The following SNX31 variants were observed in gnomAD, a reference collection of about 807,000 sequenced individuals.
SNX31 encodes sorting nexin 31, also known as sorting nexin-31.
A neutral mutation model predicts 65.4 loss-of-function variants in SNX31; 58 were observed. That is an observed-to-expected ratio of 0.89 (90% confidence interval 0.72 to 1.10). The LOEUF is 1.10. SNX31 is among the 50% of genes least tolerant of loss of function. The pLI, the probability that SNX31 is intolerant of heterozygous loss-of-function variation, is 0.00. For missense variants in SNX31, 523 were observed against 529.7 expected (o/e 0.99, Z 0.12); for synonymous variants, 181 against 190.1 (o/e 0.95, Z 0.39).
At chr8:100,636,663 T>A (rs768226195) in intron 2 of SNX31, among the ~76,000 whole-genome samples, 2 of 152,224 alleles carry the variant, frequency 1.3e-5, no homozygotes, top group African/African-American at 2.4e-5. Flanking sequence ...TTCCTTTTAC[T>A]CTTTTTAATG....
chr8:100,649,415 TCCCTG>T, intron 1 of SNX31, 29 bp downstream of exon 1: 1 of 1,083,838 alleles, frequency 9.2e-7, no homozygotes, highest in Non-Finnish European at 1.4e-6. Context: ...ACCGGCCCCC[TCCCTG>T]CCCACCCTGA....
At chr8:100,635,222 T>TTTTATTTAGTTATTTATTTATTTA (rs1818678238) in intron 3 of SNX31, among the ~76,000 whole-genome samples, 1 of 149,672 alleles carries the variant, frequency 6.7e-6, no homozygotes, top group Non-Finnish European at 1.5e-5. Context: ...ACCTCATCTC[T>TTTTATTTAGTTATTTATTTATTTA]TTTATTTATT....
chr8:100,650,182 C>T (rs1819920458), upstream of SNX31, among the ~76,000 whole-genome samples: 1 of 152,172 alleles, frequency 6.6e-6, no homozygotes, highest in African/African-American at 2.4e-5. Flanking sequence ...GTTCTTTCAA[C>T]AGTCTCTCAT....
At chr8:100,649,426 C>A (rs1331048346) in intron 1 of SNX31, 23 bp downstream of exon 1, 1 of 1,589,902 alleles carries the variant, frequency 6.3e-7, no homozygotes, top group East Asian at 2.3e-5. Context: ...CCCTGCCCAC[C>A]CTGACCCCAG....
At chr8:100,633,397 TTTTA>T (rs1278618971) in intron 3 of SNX31, among the ~76,000 whole-genome samples, 1 of 152,144 alleles carries the variant, frequency 6.6e-6, no homozygotes, top group African/African-American at 2.4e-5. Flanking sequence ...ACACAAAGTA[TTTTA>T]TTTATTTATT....
At chr8:100,592,632 T>G (rs1283234155) in intron 10 of SNX31, among the ~76,000 whole-genome samples, 1 of 152,120 alleles carries the variant, frequency 6.6e-6, no homozygotes, top group Non-Finnish European at 1.5e-5. Flanking sequence ...AGGTATATAC[T>G]CAAGAGACAT....
At chr8:100,608,708 C>T in intron 7 of SNX31, 145 bp from the exon 8 acceptor site, 1 of 683,206 alleles carries the variant, frequency 1.5e-6, no homozygotes. Flanking sequence ...GCCCAGCTTT[C>T]ACTCTGCCCC....
chr8:100,658,321 T>C (rs1249711882), intron 1 of SNX31, among the ~76,000 whole-genome samples: 1 of 152,214 alleles, frequency 6.6e-6, no homozygotes, highest in Admixed American at 6.5e-5. Context: ...TCCAAGCAGC[T>C]TGCAGGGGCA....
rs543862109 is a variant in SNX31 at position 100,613,934 on chromosome 8, A to T, written c.433-849T>A. Among the ~76,000 whole-genome samples, 38 of 152,158 alleles carry T rather than the reference A, an allele frequency of 2.5e-4. No individual in the cohort carries two copies. Among genetic ancestry groups the T allele is most frequent in the African/African-American group, 8.0e-4 (33 of 41,490 alleles). On this transcript the variant is annotated intron_variant, in intron 5 of 13. Coordinates refer to ENST00000311812, the MANE Select transcript of SNX31 (RefSeq NM_152628.4). This position sits in a 1 kb window ranked among gnomAD's most constrained non-coding sequence, Gnocchi z 5.2. Reference sequence around the variant, plus strand: ...AATCACCTCTGTACCACGCAAGGAGAGGCCTCCAAGCACTGCCCTCCAGAG... The same window carrying T: ...AATCACCTCTGTACCACGCAAGGAGTGGCCTCCAAGCACTGCCCTCCAGAG...
At position 100,629,911 on chromosome 8, in the gene SNX31, G is replaced by C. The variant is rs1417971348; in HGVS notation, c.321+416C>G. 6.6e-6 allele frequency among the ~76,000 whole-genome samples: 1 copy of C among 152,190 alleles called. No individual in the cohort carries two copies. The highest frequency in any genetic ancestry group is 1.5e-5 in the Non-Finnish European group (1 of 68,040). Reference sequence around the variant, plus strand: ...ATACAAGGAATAGCCAGCATGGCCTGCTTTCCTGATGTCTTCACTGTGGCC... The same window carrying C: ...ATACAAGGAATAGCCAGCATGGCCTCCTTTCCTGATGTCTTCACTGTGGCC... On this transcript the variant is annotated intron_variant, in intron 4 of 13. Coordinates refer to ENST00000311812, the MANE Select transcript of SNX31 (RefSeq NM_152628.4). The surrounding 1 kb of genome is among the most constrained non-coding windows in gnomAD (Gnocchi z 5.1).
rs1336596963 is a variant in SNX31 at position 100,609,578 on chromosome 8, G to A, written c.612-1015C>T. ...AGCATGTTAAGAAGGGACTGAAACT[G>A]TCAGGAAAGGGTACCTATGGCTGAT... On this transcript the variant is annotated intron_variant, in intron 7 of 13. Transcript: ENST00000311812. The surrounding 1 kb of genome is among the most constrained non-coding windows in gnomAD (Gnocchi z 4.9). 2.0e-5 allele frequency among the ~76,000 whole-genome samples: 3 copies of A among 152,130 alleles called. No individual in the cohort carries two copies. The highest frequency in any genetic ancestry group is 4.4e-5 in the Non-Finnish European group (3 of 68,024).
rs1813079852 is a variant in SNX31 at position 100,576,756 on chromosome 8, G to A, written c.1227+263C>T. The stretch of plus-strand genomic sequence containing the variant: ...GAGAGTTGCCTCCAAAAAGTGCAAG[G>A]GGTGTACAAAAAAATCACCAAATAA... On this transcript the variant is annotated intron_variant, in intron 13 of 13. Transcript: ENST00000311812. This position sits in a 1 kb window ranked among gnomAD's most constrained non-coding sequence, Gnocchi z 4.8. 6.6e-6 allele frequency among the ~76,000 whole-genome samples: 1 copy of A among 151,896 alleles called. No homozygotes were observed.
intron 1 of SNX31, chr8:100,658,008 G>T (rs780488797): frequency 1.1e-5 from 4 of 354,040 alleles, no homozygotes; most frequent in Non-Finnish European, 2.2e-5. Flanking sequence ...ACCTCGGCAG[G>T]TCAGTTCAGC....
chr8:100,601,960 C>T (rs528687686), intron 8 of SNX31, among the ~76,000 whole-genome samples: 266 of 152,350 alleles, frequency 1.7e-3, no homozygotes, highest in Non-Finnish European at 3.0e-3. Context: ...CCCCTTTAGC[C>T]AGTCTGGCCC....
chr8:100,650,808 G>A (rs1819942857), upstream of SNX31, among the ~76,000 whole-genome samples: 1 of 151,872 alleles, frequency 6.6e-6, no homozygotes, highest in African/African-American at 2.4e-5. Flanking sequence ...GTGGCTTCTA[G>A]TTGAGAGGCC....
rs1816495954 is a variant in SNX31, at chr8:100,609,328, T to C, written c.612-765A>G. On this transcript the variant is annotated intron_variant, in intron 7 of 13. Transcript: ENST00000311812. This position sits in a 1 kb window ranked among gnomAD's most constrained non-coding sequence, Gnocchi z 4.9. ...CTGGTCCCTACTCCCCAAGGCTGTA[T>C]TAGCCGCCTGTCCACTGTGCTTCCT... Among the ~76,000 whole-genome samples the C allele has an allele frequency of 6.6e-6, 1 of 152,158 alleles. No homozygotes were observed. The highest frequency in any genetic ancestry group is 1.5e-5 in the Non-Finnish European group (1 of 68,026).
At chr8:100,577,818 C>A (rs923723443) in intron 12 of SNX31, among the ~76,000 whole-genome samples, 1 of 152,130 alleles carries the variant, frequency 6.6e-6, no homozygotes, top group Non-Finnish European at 1.5e-5. Context: ...GACATTCCAG[C>A]CCCAGAGACC....
At chr8:100,598,317 G>T (rs529644520) in intron 9 of SNX31, among the ~76,000 whole-genome samples, 51 of 152,310 alleles carry the variant, frequency 3.3e-4, no homozygotes, top group African/African-American at 1.2e-3. Flanking sequence ...GTGATTGGGG[G>T]CAGGAGCTGA....
At position 100,588,722 on chromosome 8, in the gene SNX31, AAGG is replaced by A. The variant is rs1243976193; in HGVS notation, c.1092+141_1092+143del. On this transcript the variant is annotated intron_variant, in intron 11 of 13. Coordinates refer to ENST00000311812, the MANE Select transcript of SNX31 (RefSeq NM_152628.4). The surrounding 1 kb of genome is among the most constrained non-coding windows in gnomAD (Gnocchi z 4.8). ...TATAACAAAACATAAAACAAAATAA[AAGG>A]TATTACGGTCCCGAACGAGAGTGCA... is the stretch of plus-strand genomic sequence containing the variant. 3 of 455,250 alleles carry A rather than the reference AAGG, an allele frequency of 6.6e-6. No individual in the cohort carries two copies. The Admixed American group carries it at 1.2e-4, about 18-fold the overall frequency. 28.2% of individuals were successfully genotyped at this position (455,250 alleles called of 1,614,324 possible). A position where few individuals can be genotyped will look rare whatever the true frequency, so the allele number is the denominator to read the frequency against.
Sources: allele counts gnomAD v4.1 joint callset (sites outside exome capture counted in the v4.1 genomes callset), GRCh38; gene constraint gnomAD v4.1.1; non-coding constraint Gnocchi (gnomAD v3.1); transcripts MANE v1.5; gene names NCBI Gene and HGNC (gene_info 2026-07-23, HGNC 2026-07-21).